Variants in CELF2 observed in about 807,000 individuals in gnomAD.
CELF2 encodes the protein CUG triplet repeat RNA-binding protein 2.
In CELF2, 8 loss-of-function variants were observed where a neutral mutation model predicts 62.6. The ratio of observed to expected loss-of-function variants is 0.13; its 90% CI spans 0.07 to 0.23. The LOEUF (loss-of-function observed/expected upper bound fraction) is 0.23. Ranked by LOEUF, CELF2 falls within the 10% of genes least tolerant of loss-of-function variation. The pLI, the probability that CELF2 is intolerant of heterozygous loss-of-function variation, is 1.00. For synonymous variants in CELF2, 258 were observed against 250.0 expected, an observed-to-expected ratio of 1.03 and a Z score of -0.30; for missense variants, 333 against 671.0, an observed-to-expected ratio of 0.50 and a Z score of 5.56.
At chr10:11,262,940 C>CTTTTTTGTTTTTTTTTTTTTTTTTTTTT (rs2081123241) in intron 5 of CELF2, among the ~76,000 whole-genome samples, 1 of 52,766 alleles carries the variant, frequency 1.9e-5, no homozygotes, top group Non-Finnish European at 3.3e-5. Context: ...AGTGGCTTTA[C>CTTTTTTGTTTTTTTTTTTTTTTTTTTTT]TTTTTTTTTT....
Position 11,165,617 on chromosome 10 carries a change from C to G in CELF2, c.206C>G (p.Pro69Arg). Residue 69 changes from proline (P) to arginine (R), a missense_variant, in exon 2 of 13, where the codon CCT becomes CGT. Around this residue, in one of 3 missense-constraint regions of CELF2, gnomAD observed 253 missense variants for 503.0 expected, o/e 0.50. Coordinates refer to ENST00000633077, the MANE Select transcript of CELF2 (RefSeq NM_001326342.2). The surrounding 1 kb of genome is among the most constrained non-coding windows in gnomAD (Gnocchi z 7.4). The part of the protein sequence containing the change: ...SEKELKELFE[P>R]YGAVYQINVL... ...AAGGAGCTGAAAGAACTTTTTGAGC[C>G]TTACGGAGCCGTCTACCAGATCAAC... 1 of 1,614,188 alleles carries G rather than the reference C, an allele frequency of 6.2e-7. No individual in the cohort carries two copies. The highest frequency in any genetic ancestry group is 8.5e-7 in the Non-Finnish European group (1 of 1,180,026).
chr10:11,258,887 C>T (rs1212864965), intron 5 of CELF2, among the ~76,000 whole-genome samples: 1 of 152,184 alleles, frequency 6.6e-6, no homozygotes, highest in African/African-American at 2.4e-5. Flanking sequence ...GGTTTCACCA[C>T]GTTGGCCACG....
chr10:11,077,275 C>CT (rs2072299396), intron 1 of CELF2, among the ~76,000 whole-genome samples: 1 of 151,602 alleles, frequency 6.6e-6, no homozygotes, highest in Non-Finnish European at 1.5e-5. Context: ...CAGCAAAAGG[C>CT]TTTGAGTTTG....
the CELF2 span, among the ~76,000 whole-genome samples, chr10:10,533,625 C>T: frequency 2.6e-5 from 4 of 152,204 alleles, no homozygotes; most frequent in Non-Finnish European, 2.9e-5. Flanking sequence ...TGTCTGTATG[C>T]CCTTGGGCGA....
intron 2 of CELF2, among the ~76,000 whole-genome samples, chr10:10,922,216 T>G (rs1014723189): frequency 6.6e-6 from 1 of 152,208 alleles, no homozygotes; most frequent in Non-Finnish European, 1.5e-5. Context: ...ATGTGCCAGT[T>G]TTCAGGGTTA....
At chr10:11,294,606 A>G (rs2092930382) in intron 9 of CELF2, among the ~76,000 whole-genome samples, 1 of 152,208 alleles carries the variant, frequency 6.6e-6, no homozygotes, top group Admixed American at 6.5e-5. Context: ...TGGGCTGTTC[A>G]TGTGTGGGTT....
the CELF2 span, among the ~76,000 whole-genome samples, chr10:10,505,829 G>T: frequency 6.6e-6 from 1 of 152,178 alleles, no homozygotes; most frequent in Non-Finnish European, 1.5e-5. Context: ...ATAAACTTTT[G>T]TTGGGCTTTT....
At chr10:10,533,035 C>A in the CELF2 span, among the ~76,000 whole-genome samples, 1 of 152,160 alleles carries the variant, frequency 6.6e-6, no homozygotes, top group Non-Finnish European at 1.5e-5. Flanking sequence ...TTAAATCCAT[C>A]TTATTTCAGA....
At chr10:11,201,844 A>G (rs2059287291) in intron 2 of CELF2, among the ~76,000 whole-genome samples, 1 of 152,182 alleles carries the variant, frequency 6.6e-6, no homozygotes, top group Non-Finnish European at 1.5e-5. Context: ...CTTCAGGAAC[A>G]TTTGGGAAAT....
chr10:11,092,856 A>C (rs2142019969), intron 1 of CELF2, among the ~76,000 whole-genome samples: 1 of 152,330 alleles, frequency 6.6e-6, no homozygotes, highest in Middle Eastern at 3.4e-3. Flanking sequence ...CTGCTAAACG[A>C]ACACTCAGTC....
At chr10:11,166,326 A>C (rs185384668) in intron 2 of CELF2, among the ~76,000 whole-genome samples, 10 of 152,242 alleles carry the variant, frequency 6.6e-5, no homozygotes, top group African/African-American at 2.2e-4. Flanking sequence ...ATCAGTGTGG[A>C]GATGAAGGTA....
intron 1 of CELF2, among the ~76,000 whole-genome samples, chr10:10,856,107 C>T (rs1224271702): frequency 6.6e-6 from 1 of 152,088 alleles, no homozygotes; most frequent in African/African-American, 2.4e-5. Flanking sequence ...ACTGAGTGAG[C>T]CAGAGCTTCT....
the CELF2 span, among the ~76,000 whole-genome samples, chr10:10,506,321 T>C: frequency 6.6e-6 from 1 of 151,862 alleles, no homozygotes; most frequent in Non-Finnish European, 1.5e-5. Context: ...TGTGTCTATA[T>C]AGGTATGTGC....
intron 1 of CELF2, among the ~76,000 whole-genome samples, chr10:11,150,913 A>C (rs1230787774): frequency 6.6e-6 from 1 of 152,238 alleles, no homozygotes; most frequent in African/African-American, 2.4e-5. Flanking sequence ...GAAGAACAGT[A>C]ATTATTTCAG....
intron 1 of CELF2, among the ~76,000 whole-genome samples, chr10:11,151,527 C>G (rs2063328467): frequency 6.6e-6 from 1 of 152,126 alleles, no homozygotes; most frequent in African/African-American, 2.4e-5. Context: ...GAACTCTGGA[C>G]TCTACCATCA....
chr10:10,671,386 T>C, the CELF2 span, among the ~76,000 whole-genome samples: 1 of 152,200 alleles, frequency 6.6e-6, no homozygotes, highest in Non-Finnish European at 1.5e-5. Flanking sequence ...ATAAAGCTAC[T>C]ATAAACATTT....
intron 1 of CELF2, among the ~76,000 whole-genome samples, chr10:10,873,153 A>C (rs2060862793): frequency 6.6e-6 from 1 of 152,204 alleles, no homozygotes; most frequent in Non-Finnish European, 1.5e-5. Context: ...TTTTGTCATG[A>C]AATCTAAGGC....
the CELF2 span, among the ~76,000 whole-genome samples, chr10:10,709,301 G>A: frequency 2.0e-5 from 3 of 152,224 alleles, no homozygotes; most frequent in Admixed American, 2.0e-4. Flanking sequence ...GAGGCTCAGA[G>A]AATGGGGACT....
the CELF2 span, among the ~76,000 whole-genome samples, chr10:10,560,188 G>C: frequency 6.6e-6 from 1 of 152,138 alleles, no homozygotes; most frequent in Non-Finnish European, 1.5e-5. Flanking sequence ...AAGAGAACTT[G>C]ACTCTGAATT....
Sources: allele counts gnomAD v4.1 joint callset (sites outside exome capture counted in the v4.1 genomes callset), GRCh38; gene constraint gnomAD v4.1.1; regional missense constraint gnomAD v4.1.1; non-coding constraint Gnocchi (gnomAD v3.1); transcripts MANE v1.5; gene names NCBI Gene and HGNC (gene_info 2026-07-23, HGNC 2026-07-21).